The following IL1RAPL2 variants were observed in gnomAD, a reference collection of about 807,000 sequenced individuals.
The protein encoded by IL1RAPL2 is interleukin 1 receptor accessory protein like 2.
IL1RAPL2 carries 3 observed loss-of-function variants against 44.1 expected under a neutral mutation model. The observed-to-expected ratio is 0.07, with a 90% CI of 0.03 to 0.18. The LOEUF (loss-of-function observed/expected upper bound fraction) is 0.18, where lower values mean the gene tolerates loss of function less well. Among genes scored for constraint, IL1RAPL2 ranks in the 10% least tolerant of loss-of-function variants. IL1RAPL2 has a pLI of 1.00. For synonymous variants in IL1RAPL2, 181 were observed against 178.8 expected, an observed-to-expected ratio of 1.01 and a Z score of -0.10; for missense variants, 391 against 496.4, an observed-to-expected ratio of 0.79 and a Z score of 2.02.
intron 10 of IL1RAPL2, among the ~76,000 whole-genome samples, chrX:105,763,384 G>T (rs902446006): frequency 9.0e-6 from 1 of 111,047 alleles, no homozygotes; most frequent in Admixed American, 9.6e-5. Context: ...ACAATTCCCT[G>T]GCTAAAGATT....
chrX:105,000,774 C>A (rs1432213189), intron 2 of IL1RAPL2, among the ~76,000 whole-genome samples: 1 of 111,390 alleles, frequency 9.0e-6, no homozygotes, highest in Non-Finnish European at 1.9e-5. Context: ...TTACACTAGT[C>A]CTGATGTGTT....
At chrX:105,085,520 A>G (rs780631903) in intron 2 of IL1RAPL2, among the ~76,000 whole-genome samples, 10 of 112,721 alleles carry the variant, frequency 8.9e-5, no homozygotes, top group Non-Finnish European at 1.7e-4. Context: ...AAGGTGAAAG[A>G]TAAATGTTGG....
intron 5 of IL1RAPL2, among the ~76,000 whole-genome samples, chrX:105,342,146 C>T (rs2035075722): frequency 1.4e-5 from 1 of 72,853 alleles, no homozygotes. Flanking sequence ...ACATCACACA[C>T]TGGGGACTGT....
chrX:105,727,353 T>A (rs1263944837), intron 7 of IL1RAPL2, among the ~76,000 whole-genome samples: 1 of 112,097 alleles, frequency 8.9e-6, no homozygotes, highest in African/African-American at 3.2e-5. Context: ...TGCATTTGTG[T>A]TCTTATCTGA....
At chrX:105,323,038 G>A (rs1372815984) in intron 5 of IL1RAPL2, among the ~76,000 whole-genome samples, 1 of 111,667 alleles carries the variant, frequency 9.0e-6, no homozygotes, top group Non-Finnish European at 1.9e-5. Context: ...CATCAAGAGA[G>A]GTCTGTGACC....
intron 2 of IL1RAPL2, among the ~76,000 whole-genome samples, chrX:104,888,251 AG>A (rs201995016): frequency 0.052 from 5,677 of 108,161 alleles, 411 homozygotes; most frequent in African/African-American, 0.18. Context: ...AGAGAGAGAG[AG>A]AGAGAGAGGA....
At chrX:105,039,129 A>G (rs1339299734) in intron 2 of IL1RAPL2, among the ~76,000 whole-genome samples, 1 of 111,867 alleles carries the variant, frequency 8.9e-6, no homozygotes, top group Admixed American at 9.5e-5. Context: ...GCTTAGAGGG[A>G]GGTCTAAAGA....
At chrX:105,432,129 C>CTT (rs386417369) in intron 5 of IL1RAPL2, among the ~76,000 whole-genome samples, 4,440 of 44,206 alleles carry the variant, frequency 0.1, 227 homozygotes, top group African/African-American at 0.22. Flanking sequence ...TTCAATTTGC[C>CTT]TTTTTTTTTT....
chrX:104,778,277 T>G (rs1327248760), intron 2 of IL1RAPL2, among the ~76,000 whole-genome samples: 2 of 111,372 alleles, frequency 1.8e-5, no homozygotes, highest in African/African-American at 6.5e-5. Flanking sequence ...AGAAAAGAAT[T>G]TCTATGCAAT....
chrX:104,837,425 T>G (rs1921770647), intron 2 of IL1RAPL2, among the ~76,000 whole-genome samples: 1 of 111,774 alleles, frequency 8.9e-6, no homozygotes, highest in African/African-American at 3.3e-5. Flanking sequence ...CCATTCTGAC[T>G]GGGGTGAGAT....
chrX:104,650,401 C>A (rs1930130548), intron 1 of IL1RAPL2, among the ~76,000 whole-genome samples: 1 of 110,880 alleles, frequency 9.0e-6, no homozygotes, highest in Non-Finnish European at 1.9e-5. Flanking sequence ...GTAACTCGAG[C>A]TGCTTCTGAA....
intron 5 of IL1RAPL2, among the ~76,000 whole-genome samples, chrX:105,285,548 A>G (rs960770042): frequency 8.1e-5 from 9 of 111,790 alleles, no homozygotes; most frequent in Non-Finnish European, 1.7e-4. Context: ...AATAGCATAC[A>G]GTCTGATTCC....
chrX:104,876,506 C>T (rs989776316), intron 2 of IL1RAPL2, among the ~76,000 whole-genome samples: 1 of 110,833 alleles, frequency 9.0e-6, no homozygotes. Flanking sequence ...TTACTAAAAC[C>T]TATCTATACA....
At chrX:105,693,194 G>A (rs1332915506) in intron 6 of IL1RAPL2, among the ~76,000 whole-genome samples, 1 of 111,992 alleles carries the variant, frequency 8.9e-6, no homozygotes, top group Non-Finnish European at 1.9e-5. Context: ...TATTTTATGT[G>A]GTAAAAGAGA....
chrX:104,896,397 C>T lies in IL1RAPL2; in HGVS notation c.82+237402C>T, dbSNP rs761127471. Among the ~76,000 whole-genome samples the T allele has an allele frequency of 1.1e-4, 12 of 111,594 alleles. No homozygotes were observed. In the South Asian group the frequency reaches 4.6e-3, roughly 43 times the overall value. On this transcript the variant is annotated intron_variant, in intron 2 of 10. Coordinates refer to ENST00000372582, the MANE Select transcript of IL1RAPL2 (RefSeq NM_017416.2). ...TCCCCTCTGGAGGGCACTACAACTG[C>T]AGGGCCCCTTCTTTGCCCCTATCCA...
intron 2 of IL1RAPL2, among the ~76,000 whole-genome samples, chrX:104,687,109 G>A (rs754990960): frequency 3.6e-5 from 4 of 112,442 alleles, no homozygotes; most frequent in Non-Finnish European, 5.6e-5. Context: ...AGGACTTGGA[G>A]TGTGCAGCTT....
chrX:105,052,710 T>C (rs1232526389), intron 2 of IL1RAPL2, among the ~76,000 whole-genome samples: 1 of 110,644 alleles, frequency 9.0e-6, no homozygotes, highest in Non-Finnish European at 1.9e-5. Context: ...CTGTTTCTTT[T>C]TTTTTTTCTT....
intron 5 of IL1RAPL2, among the ~76,000 whole-genome samples, chrX:105,417,691 A>AT (rs113135635): frequency 0.065 from 7,300 of 111,715 alleles, 573 homozygotes; most frequent in African/African-American, 0.22. Context: ...TATTTTTTGA[A>AT]TGAGTAAATG....
At chrX:104,787,296 T>G (rs762994295) in intron 2 of IL1RAPL2, among the ~76,000 whole-genome samples, 1 of 111,733 alleles carries the variant, frequency 8.9e-6, no homozygotes, top group South Asian at 3.8e-4. Flanking sequence ...TGCTATCTTA[T>G]AGGGAAGACT....
Sources: gnomAD v4.1 joint callset for allele counts (sites outside exome capture counted in the v4.1 genomes callset) on GRCh38, gnomAD v4.1.1 for gene constraint, MANE v1.5 for transcripts, NCBI Gene and HGNC (gene_info 2026-07-23, HGNC 2026-07-21) for gene names.